The following ZBTB40 variants were observed in gnomAD, a reference collection of about 807,000 sequenced individuals.
ZBTB40 encodes the protein zinc finger and BTB domain containing 40.
Under a neutral mutation model 117.5 loss-of-function variants are expected in ZBTB40, and 60 were observed. The ratio of observed to expected loss-of-function variants is 0.51; its 90% confidence interval spans 0.41 to 0.63. The LOEUF is 0.63. ZBTB40 is among the 30% of genes least tolerant of loss of function. The pLI, the probability that ZBTB40 is intolerant of heterozygous loss-of-function variation, is 0.00. For missense variants in ZBTB40, 1,287 were observed against 1,498.5 expected (o/e 0.86, Z 2.33); for synonymous variants, 525 against 577.1 (o/e 0.91, Z 1.29).
In ZBTB40 at chr1:22,526,732, C is replaced by G; in HGVS notation, c.*336C>G. The stretch of plus-strand genomic sequence containing the variant: ...GAGCAGTGGGATGGGAGCTGGTGAC[C>G]AGGGTACCCCAGGAGGCATGATGTG... On this transcript the variant is annotated 3_prime_UTR_variant, in exon 18 of 18. Coordinates refer to ENST00000375647, the MANE Select transcript of ZBTB40 (RefSeq NM_014870.4). 2.8e-6 allele frequency: 1 copy of G among 360,384 alleles called. No homozygotes were observed. Among genetic ancestry groups the G allele is most frequent in the South Asian group, 2.2e-5 (1 of 45,126 alleles). 22.3% of individuals were successfully genotyped at this position (360,384 alleles called of 1,614,324 possible).
chr1:22,490,736 G>A, intron 2 of ZBTB40, 91 bp downstream of exon 2: 1 of 1,504,820 alleles, frequency 6.6e-7, no homozygotes, highest in Non-Finnish European at 9.0e-7. Context: ...AAAGACCACT[G>A]TTAGGTAGAA....
intron 1 of ZBTB40, among the ~76,000 whole-genome samples, chr1:22,456,601 A>G (rs1193234667): frequency 6.6e-6 from 1 of 152,160 alleles, no homozygotes; most frequent in Non-Finnish European, 1.5e-5. Context: ...ATGTAACATC[A>G]CCTAACTGAA....
chr1:22,503,607 G>GCA (rs1179426493), intron 5 of ZBTB40, among the ~76,000 whole-genome samples: 64 of 132,906 alleles, frequency 4.8e-4, no homozygotes, highest in African/African-American at 1.7e-3. Flanking sequence ...GCACATGTGC[G>GCA]CACGCACACA....
chr1:22,528,176 G>A lies in ZBTB40; in HGVS notation c.*1780G>A, dbSNP rs1639733607. On this transcript the variant is annotated 3_prime_UTR_variant, in exon 18 of 18. Coordinates refer to ENST00000375647, the MANE Select transcript of ZBTB40 (RefSeq NM_014870.4). ...TTAAGGCTTTTCCGTCCTGGGAACT[G>A]TCAGTCTGGGAGAGCTCTTGATCTG... is the stretch of plus-strand genomic sequence containing the variant. 6.5e-6 allele frequency: 1 copy of A among 152,762 alleles called. No homozygotes were observed. The highest frequency in any genetic ancestry group is 6.5e-5 in the Admixed American group (1 of 15,282). 9.5% of individuals were successfully genotyped at this position (152,762 alleles called of 1,614,324 possible). A position where few individuals can be genotyped will look rare whatever the true frequency, so the allele number is the denominator to read the frequency against.
chr1:22,499,535 T>A (rs1294246198), intron 3 of ZBTB40, among the ~76,000 whole-genome samples: 1 of 152,242 alleles, frequency 6.6e-6, no homozygotes, highest in Non-Finnish European at 1.5e-5. Flanking sequence ...TTAATTTAGC[T>A]TTCAACTGAC....
In ZBTB40 at chr1:22,435,069, C is replaced by T. The variant is rs1055343578; in HGVS notation, c.-70+6055C>T. ...CTCACTCTGTACAGTGGTGTGATCT[C>T]GGCTCACTGCAACCTCTACCTCCCA... is the stretch of plus-strand genomic sequence containing the variant. On this transcript the variant is annotated intron_variant, in intron 1 of 8. Transcript: ENST00000650433. Among the ~76,000 whole-genome samples, 5 of 144,026 alleles carry T rather than the reference C, an allele frequency of 3.5e-5. 1 individual carries two copies. The highest frequency in any genetic ancestry group is 3.5e-3 in the Middle Eastern group (1 of 284). The allele number at this position is 144,026 out of a possible 152,430, so 94.5% of individuals were successfully genotyped here. A position where few individuals can be genotyped will look rare whatever the true frequency, so the allele number is the denominator to read the frequency against.
chr1:22,511,897 G>T lies in ZBTB40; in HGVS notation c.2224G>T (p.Asp742Tyr), dbSNP rs1361519433. The change falls in exon 11 of 18, where the codon GAC becomes TAC. Residue 742 changes from aspartate (D) to tyrosine (Y), a missense_variant. Physicochemically the swap from Asp to Tyr is radical, Grantham distance 160. Coordinates refer to ENST00000375647, the MANE Select transcript of ZBTB40 (RefSeq NM_014870.4). The part of the protein sequence containing the change: ...AKKSFICKAC[D>Y]KSFHFYCRLK... ...GAAGAGCTTCATCTGTAAGGCCTGC[G>T]ACAAAAGCTTCCATTTCTACTGCCG... The T allele has an allele frequency of 6.2e-7, 1 of 1,614,170 alleles. No homozygotes were observed.
chr1:22,482,187 T>C (rs1166308522), intron 1 of ZBTB40, among the ~76,000 whole-genome samples: 1 of 152,182 alleles, frequency 6.6e-6, no homozygotes, highest in Non-Finnish European at 1.5e-5. Context: ...AGATTTTCTT[T>C]GAGCAAGCTG....
chr1:22,489,091 G>A (rs780307661), intron 1 of ZBTB40, among the ~76,000 whole-genome samples: 26 of 152,172 alleles, frequency 1.7e-4, no homozygotes, highest in Non-Finnish European at 8.8e-5. Context: ...TTTTGGATAT[G>A]TTACGTTTCA....
In ZBTB40 at chr1:22,520,067, A is replaced by T. The variant is rs1333386460; in HGVS notation, c.2840A>T (p.Glu947Val). 1.2e-6 allele frequency: 2 copies of T among 1,614,186 alleles called. No homozygotes were observed. Among genetic ancestry groups the T allele is most frequent in the Non-Finnish European group, 1.7e-6 (2 of 1,179,998 alleles). ...SIHLHTFHNI[E>V]DPYDCKKCRM... ...GGATGTCCCGTGAAACTAGACATAG[A>T]AGATCCTTATGACTGCAAGAAGTGC... is the stretch of plus-strand genomic sequence containing the variant. The change falls in exon 14 of 18, where the codon GAA (glutamate) becomes GTA (valine). Residue 947 changes from glutamate to valine, a missense_variant. Glu to Val is a moderately radical substitution (Grantham distance 121). Transcript: ENST00000375647.
chr1:22,478,401 C>T (rs1641602233), intron 1 of ZBTB40, among the ~76,000 whole-genome samples: 1 of 152,154 alleles, frequency 6.6e-6, no homozygotes, highest in South Asian at 2.1e-4. Context: ...GCGCCTGCTA[C>T]CACGTCCGGC....
At chr1:22,458,428 A>T (rs1223473459) in intron 1 of ZBTB40, among the ~76,000 whole-genome samples, 1 of 152,178 alleles carries the variant, frequency 6.6e-6, no homozygotes, top group African/African-American at 2.4e-5. Context: ...ACAGGACTTC[A>T]TCCTTTCTGG....
rs201728501 is a variant in ZBTB40 at position 22,501,510 on chromosome 1, G to C, written c.850G>C (p.Glu284Gln). The change falls in exon 4 of 18, where the codon GAG (glutamate) becomes CAG (glutamine). Residue 284 changes from glutamate (E) to glutamine (Q), a missense_variant. Glu to Gln is a conservative substitution (Grantham distance 29, BLOSUM62 2). Transcript: ENST00000375647. ...TCCATAGATGATAGTGAAATGTTTC[G>C]AGGGTGAAGGAGGACATTCAGCATT... ...PQKEMIVKCF[E>Q]GEGGHSAFQR... The C allele has an allele frequency of 6.2e-7, 1 of 1,614,118 alleles. No individual in the cohort carries two copies. The highest frequency in any genetic ancestry group is 1.7e-5 in the Admixed American group (1 of 60,022).
chr1:22,444,056 C>T (rs1014450127), intron 1 of ZBTB40, among the ~76,000 whole-genome samples: 1 of 152,140 alleles, frequency 6.6e-6, no homozygotes, highest in African/African-American at 2.4e-5. Context: ...AGGGACTCCT[C>T]CGCCAGGAAT....
intron 17 of ZBTB40, among the ~76,000 whole-genome samples, chr1:22,525,562 TTCTC>T (rs995985491): frequency 6.6e-6 from 1 of 152,250 alleles, no homozygotes; most frequent in Non-Finnish European, 1.5e-5. Context: ...CACAGACTCA[TTCTC>T]TCTCAGTTGG....
intron 11 of ZBTB40, among the ~76,000 whole-genome samples, chr1:22,512,510 G>T (rs1639268112): frequency 6.6e-6 from 1 of 152,164 alleles, no homozygotes; most frequent in Non-Finnish European, 1.5e-5. Context: ...TGTGCCACTT[G>T]TTTCTTGGTA....
At chr1:22,441,077 G>A (rs887858903) in intron 1 of ZBTB40, among the ~76,000 whole-genome samples, 1 of 151,988 alleles carries the variant, frequency 6.6e-6, no homozygotes, top group African/African-American at 2.4e-5. Flanking sequence ...TTTCATGTTT[G>A]GTAAATTCAC....
chr1:22,457,897 T>G (rs1216663859), intron 1 of ZBTB40, among the ~76,000 whole-genome samples: 2 of 152,230 alleles, frequency 1.3e-5, no homozygotes, highest in Non-Finnish European at 2.9e-5. Context: ...CTTTTGCTCC[T>G]TGTCCCCATT....
chr1:22,438,833 T>C (rs2124365050), intron 1 of ZBTB40, among the ~76,000 whole-genome samples: 1 of 152,234 alleles, frequency 6.6e-6, no homozygotes, highest in East Asian at 1.9e-4. Context: ...TTTAGAGAAA[T>C]ATTCTTTTGC....
Sources: allele counts gnomAD v4.1 joint callset (sites outside exome capture counted in the v4.1 genomes callset), GRCh38; gene constraint gnomAD v4.1.1; transcripts MANE v1.5; gene names NCBI Gene and HGNC (gene_info 2026-07-23, HGNC 2026-07-21).